SAXO2: variants seen among roughly 807,000 people sequenced by gnomAD.
The protein encoded by SAXO2 is stabilizer of axonemal microtubules 2.
In SAXO2, 17 loss-of-function variants were observed where a neutral mutation model predicts 18.7. That is an observed-to-expected ratio of 0.91 (90% CI 0.62 to 1.36). SAXO2 has a LOEUF of 1.36. Among genes scored for constraint, SAXO2 ranks in the 40% most tolerant of loss-of-function variants. The probability of loss-of-function intolerance (pLI) is 0.00; values close to 1 mark genes in which losing one functional copy is unlikely to be tolerated. For synonymous variants in SAXO2, 163 were observed against 181.2 expected (o/e 0.90, Z 0.81); for missense variants, 486 against 562.6 (o/e 0.86, Z 1.38).
intron 2 of SAXO2, among the ~76,000 whole-genome samples, 177 bp downstream of exon 2, chr15:82,265,925 G>A (rs975967396): frequency 2.0e-5 from 3 of 150,440 alleles, no homozygotes; most frequent in South Asian, 2.1e-4. Context: ...TGAGAATTAA[G>A]TTAGGTTGAC....
At chr15:82,278,297 C>G (rs2075333213) in intron 3 of SAXO2, among the ~76,000 whole-genome samples, 1 of 152,218 alleles carries the variant, frequency 6.6e-6, no homozygotes, top group South Asian at 2.1e-4. Flanking sequence ...TTCTGAGACC[C>G]AGGGGCACAG....
chr15:82,275,112 A>G (rs1162418883), intron 3 of SAXO2, among the ~76,000 whole-genome samples: 1 of 151,786 alleles, frequency 6.6e-6, no homozygotes, highest in African/African-American at 2.4e-5. Context: ...AATACAGAAG[A>G]TCCTCAGAGA....
At position 82,283,627 on chromosome 15, in the gene SAXO2, G is replaced by A. The variant is rs2075387031; in HGVS notation, c.*565G>A. 1 of 152,322 alleles carries A rather than the reference G, an allele frequency of 6.6e-6. No individual in the cohort carries two copies. Among genetic ancestry groups the A allele is most frequent in the South Asian group, 2.1e-4 (1 of 4,828 alleles). The allele number at this position is 152,322 out of a possible 1,614,324, so 9.4% of individuals were successfully genotyped here. On this transcript the variant is annotated 3_prime_UTR_variant, in exon 4 of 4. Coordinates refer to ENST00000682753, the MANE Select transcript of SAXO2 (RefSeq NM_001348699.2). ...GTGGTGTGGCAAGGAAAGGCTCTGT[G>A]TGCTGGGAATCGAAGGACTTGAGTT...
chr15:82,279,117 G>A (rs1425184457), intron 3 of SAXO2, among the ~76,000 whole-genome samples: 1 of 152,014 alleles, frequency 6.6e-6, no homozygotes, highest in Admixed American at 6.6e-5. Flanking sequence ...CCAAAAATTG[G>A]TTCTATTAAA....
chr15:82,266,385 C>T (rs1297892005), intron 2 of SAXO2, among the ~76,000 whole-genome samples: 1 of 152,192 alleles, frequency 6.6e-6, no homozygotes, highest in Non-Finnish European at 1.5e-5. Context: ...AAACCAAACC[C>T]TATCACTTCT....
intron 3 of SAXO2, among the ~76,000 whole-genome samples, chr15:82,276,887 G>T (rs1250815949): frequency 1.3e-5 from 2 of 152,144 alleles, no homozygotes; most frequent in Non-Finnish European, 2.9e-5. Context: ...AATGCAGGAA[G>T]GGATGAAGCA....
At position 82,271,773 on chromosome 15, in the gene SAXO2, G is replaced by A. The variant is rs755466159; in HGVS notation, c.404G>A (p.Gly135Glu). Residue 135 changes from glycine to glutamate, a missense_variant, in exon 3 of 4, where the codon GGA becomes GAA. Physicochemically the swap from Gly to Glu is moderately conservative, Grantham distance 98 (BLOSUM62 -2). Coordinates refer to ENST00000682753, the MANE Select transcript of SAXO2 (RefSeq NM_001348699.2). The part of the protein sequence containing the change: ...VRPLERQVKK[G>E]KLDTVPTYKD... ...CCTTTGGAGAGACAAGTTAAAAAAG[G>A]AAAATTGGACACTGTCCCAACCTAT... is the stretch of plus-strand genomic sequence containing the variant. 1 of 1,614,024 alleles carries A rather than the reference G, an allele frequency of 6.2e-7. No individual in the cohort carries two copies. Among genetic ancestry groups the A allele is most frequent in the African/African-American group, 1.3e-5 (1 of 75,038 alleles).
In SAXO2 at chr15:82,283,261, A is replaced by G; in HGVS notation, c.*199A>G. 2.7e-6 allele frequency: 1 copy of G among 376,060 alleles called. No homozygotes were observed. The highest frequency in any genetic ancestry group is 4.6e-6 in the Non-Finnish European group (1 of 219,200). The allele number at this position is 376,060 out of a possible 1,614,324, so 23.3% of individuals were successfully genotyped here. The stretch of plus-strand genomic sequence containing the variant: ...ATATTTTAATCAAGATTGTTCTTTA[A>G]TGTGCATTTCAGAAGGTTGAATAAT... On this transcript the variant is annotated 3_prime_UTR_variant, in exon 4 of 4. Transcript: ENST00000682753.
chr15:82,263,083 C>T (rs1488164047), intron 1 of SAXO2, 151 bp downstream of exon 1: 6 of 1,506,522 alleles, frequency 4.0e-6, no homozygotes, highest in Non-Finnish European at 4.4e-6. Context: ...TATCCCGCTC[C>T]GCGAATACTC....
At position 82,282,861 on chromosome 15, in the gene SAXO2, G is replaced by A; in HGVS notation, c.1176G>A (p.Glu392=). ...HYVPHELIPT[E]SCKPLNIAFK... The stretch of plus-strand genomic sequence containing the variant: ...TGCCACATGAATTGATCCCAACAGA[G>A]AGTTGCAAACCTTTAAATATTGCTT... The change falls in exon 4 of 4, where the codon GAG becomes GAA. Residue 392 remains glutamate (E), a synonymous_variant. Coordinates refer to ENST00000682753, the MANE Select transcript of SAXO2 (RefSeq NM_001348699.2). 6.2e-7 allele frequency: 1 copy of A among 1,613,902 alleles called. No homozygotes were observed. The highest frequency in any genetic ancestry group is 8.5e-7 in the Non-Finnish European group (1 of 1,179,892).
intron 2 of SAXO2, among the ~76,000 whole-genome samples, chr15:82,269,988 C>G (rs2075255673): frequency 6.6e-6 from 1 of 152,062 alleles, no homozygotes; most frequent in South Asian, 2.1e-4. Flanking sequence ...CAAAAAGGAC[C>G]ACATTTATTG....
Position 82,263,195 on chromosome 15 carries a change from A to G in SAXO2, c.53+263A>G, listed in dbSNP as rs577754303. ...AAAATGCCACCCGGGCCAGGTAAGT[A>G]ATATATGTGAAGCCGCGACGGGATA... On this transcript the variant is annotated intron_variant, in intron 1 of 3. Transcript: ENST00000682753. 9 of 1,455,264 alleles carry G rather than the reference A, an allele frequency of 6.2e-6. No individual in the cohort carries two copies. In the African/African-American group the frequency reaches 1.1e-4, roughly 18 times the overall value. 90.1% of individuals were successfully genotyped at this position (1,455,264 alleles called of 1,614,324 possible). A position where few individuals can be genotyped will look rare whatever the true frequency, so the allele number is the denominator to read the frequency against.
Position 82,277,352 on chromosome 15 carries a change from AAG to A in SAXO2, c.434-4765_434-4764del, listed in dbSNP as rs959605116. On this transcript the variant is annotated intron_variant, in intron 3 of 3. Coordinates refer to ENST00000682753, the MANE Select transcript of SAXO2 (RefSeq NM_001348699.2). ...AAAGATTGATTTTTCACACATTAAA[AAG>A]ATATTATTTTAAAAAATATGCCAAT... 5.9e-5 allele frequency among the ~76,000 whole-genome samples: 9 copies of A among 152,330 alleles called. No individual in the cohort carries two copies. In the South Asian group the frequency reaches 1.0e-3, roughly 18 times the overall value.
intron 3 of SAXO2, among the ~76,000 whole-genome samples, chr15:82,279,468 G>A (rs2075343831): frequency 6.6e-6 from 1 of 152,184 alleles, no homozygotes; most frequent in South Asian, 2.1e-4. Context: ...GTGAGTCTGA[G>A]TGAGATAATT....
At chr15:82,281,209 C>T (rs1293607189) in intron 3 of SAXO2, among the ~76,000 whole-genome samples, 1 of 152,136 alleles carries the variant, frequency 6.6e-6, no homozygotes, top group African/African-American at 2.4e-5. Context: ...AAATAGAAAA[C>T]ACAAATAATC....
intron 3 of SAXO2, among the ~76,000 whole-genome samples, chr15:82,279,165 C>G (rs946905034): frequency 1.3e-5 from 2 of 151,964 alleles, no homozygotes; most frequent in Non-Finnish European, 2.9e-5. Flanking sequence ...GAGAAGACAC[C>G]AATTACAAAT....
Position 82,282,484 on chromosome 15 carries a change from A to G in SAXO2, c.799A>G (p.Thr267Ala). The G allele has an allele frequency of 6.2e-7, 1 of 1,614,150 alleles. No individual in the cohort carries two copies. The highest frequency in any genetic ancestry group is 8.5e-7 in the Non-Finnish European group (1 of 1,180,024). Reference protein sequence around the residue: ...KLCRPVHTRVTQNALFEGSTE... With the variant: ...KLCRPVHTRVAQNALFEGSTE... The stretch of plus-strand genomic sequence containing the variant: ...CTGCAGACCTGTACACACCAGAGTG[A>G]CCCAGAATGCTCTGTTTGAAGGAAG... The change falls in exon 4 of 4, where the codon ACC becomes GCC. Residue 267 changes from threonine to alanine, a missense_variant. By Grantham distance (58) the Thr-to-Ala change is moderately conservative (BLOSUM62 0). Transcript: ENST00000682753.
At chr15:82,272,928 T>C (rs1174121246) in intron 3 of SAXO2, among the ~76,000 whole-genome samples, 1 of 150,146 alleles carries the variant, frequency 6.7e-6, no homozygotes, top group African/African-American at 2.5e-5. Context: ...TTTTTCAAGA[T>C]GGAGTCCCAC....
chr15:82,267,367 C>T (rs2075229158), intron 2 of SAXO2, among the ~76,000 whole-genome samples: 1 of 152,184 alleles, frequency 6.6e-6, no homozygotes, highest in Non-Finnish European at 1.5e-5. Flanking sequence ...TGAGCCTCTC[C>T]AAAGGAAGCA....
Sources: gnomAD v4.1 joint callset for allele counts (sites outside exome capture counted in the v4.1 genomes callset) on GRCh38, gnomAD v4.1.1 for gene constraint, MANE v1.5 for transcripts, NCBI Gene and HGNC (gene_info 2026-07-23, HGNC 2026-07-21) for gene names.